Variants in CHRM2 observed in about 807,000 individuals in gnomAD.
CHRM2 encodes the protein cholinergic receptor muscarinic 2.
In CHRM2, 8 loss-of-function variants were observed where a neutral mutation model predicts 25.0. The observed-to-expected ratio is 0.32, with a 90% CI of 0.19 to 0.58. The LOEUF (loss-of-function observed/expected upper bound fraction) is 0.58. Among genes scored for constraint, CHRM2 ranks in the 20% least tolerant of loss-of-function variants. The pLI is 0.88. For synonymous variants in CHRM2, 202 were observed against 205.7 expected (o/e 0.98, Z 0.15); for missense variants, 440 against 567.1 (o/e 0.78, Z 2.28).
chr7:136,978,683 G>A (rs1439071092), intron 2 of CHRM2, among the ~76,000 whole-genome samples: 2 of 152,112 alleles, frequency 1.3e-5, no homozygotes, highest in Non-Finnish European at 2.9e-5. Flanking sequence ...TCCCACTTAT[G>A]AGTGAGAACA....
At chr7:136,960,093 C>T (rs1275297169) in intron 2 of CHRM2, among the ~76,000 whole-genome samples, 1 of 152,010 alleles carries the variant, frequency 6.6e-6, no homozygotes, top group African/African-American at 2.4e-5. Context: ...GAACTGGGCA[C>T]CAAGCAAGCT....
chr7:136,944,151 T>C (rs776473645), intron 2 of CHRM2, among the ~76,000 whole-genome samples: 7 of 152,054 alleles, frequency 4.6e-5, no homozygotes, highest in Non-Finnish European at 7.4e-5. Flanking sequence ...ATGAATAATT[T>C]CTTTAGTGGT....
At chr7:136,927,230 A>C (rs184146655) in intron 2 of CHRM2, among the ~76,000 whole-genome samples, 1 of 152,312 alleles carries the variant, frequency 6.6e-6, no homozygotes, top group African/African-American at 2.4e-5. Flanking sequence ...GTTTATCTGC[A>C]GTTCAGACAG....
chr7:136,969,720 A>G (rs1467919414), intron 2 of CHRM2, among the ~76,000 whole-genome samples: 1 of 152,094 alleles, frequency 6.6e-6, no homozygotes, highest in Non-Finnish European at 1.5e-5. Context: ...ATAGGTTAAC[A>G]TATACCTTCT....
intron 2 of CHRM2, among the ~76,000 whole-genome samples, chr7:136,911,215 T>G (rs1041501302): frequency 6.6e-6 from 1 of 151,880 alleles, no homozygotes; most frequent in African/African-American, 2.4e-5. Context: ...TAACTGAACA[T>G]GTATTAATAA....
intron 3 of CHRM2, among the ~76,000 whole-genome samples, chr7:137,004,248 T>G (rs1804266514): frequency 6.6e-6 from 1 of 152,146 alleles, no homozygotes; most frequent in African/African-American, 2.4e-5. Flanking sequence ...AGCTACTTTT[T>G]GTCAGATGAC....
At position 136,924,229 on chromosome 7, in the gene CHRM2, T is replaced by A. The variant is rs147130141; in HGVS notation, c.-125+54811T>A. Among the ~76,000 whole-genome samples, 437 of 152,248 alleles carry A rather than the reference T, an allele frequency of 2.9e-3. 2 individuals are homozygous for A. Among genetic ancestry groups the A allele is most frequent in the African/African-American group, 0.01 (425 of 41,554 alleles). On this transcript the variant is annotated intron_variant, in intron 2 of 3. Transcript: ENST00000680005. ...GTTGTATGTATTTTTTTTATTATTATACTTTAAGTTTTAGGGTACATGTGC... is the reference window on the plus strand; with the variant it reads ...GTTGTATGTATTTTTTTTATTATTAAACTTTAAGTTTTAGGGTACATGTGC...
At chr7:136,993,089 T>C (rs558403410) in intron 3 of CHRM2, among the ~76,000 whole-genome samples, 2 of 152,328 alleles carry the variant, frequency 1.3e-5, no homozygotes, top group Admixed American at 6.5e-5. Flanking sequence ...AAATTAACTA[T>C]CAAAGTCATA....
intron 2 of CHRM2, among the ~76,000 whole-genome samples, chr7:136,976,157 A>C (rs1802092399): frequency 6.6e-6 from 1 of 152,144 alleles, no homozygotes; most frequent in African/African-American, 2.4e-5. Flanking sequence ...CGGGCTAAGC[A>C]TGGAGTATAT....
At chr7:136,875,446 G>T (rs888006592) in intron 2 of CHRM2, among the ~76,000 whole-genome samples, 3 of 151,996 alleles carry the variant, frequency 2.0e-5, no homozygotes, top group Non-Finnish European at 2.9e-5. Flanking sequence ...TCAGACCCCA[G>T]GTTAAATCTG....
chr7:136,892,270 T>A (rs1306352427), intron 2 of CHRM2, among the ~76,000 whole-genome samples: 1 of 152,258 alleles, frequency 6.6e-6, no homozygotes, highest in African/African-American at 2.4e-5. Flanking sequence ...GCTTGATACA[T>A]GAATTGAGAA....
intron 2 of CHRM2, among the ~76,000 whole-genome samples, chr7:136,873,911 C>A (rs1795944056): frequency 1.3e-5 from 2 of 152,326 alleles, no homozygotes; most frequent in South Asian, 4.1e-4. Flanking sequence ...TAAACGAGGG[C>A]ACCAAAATTT....
rs764518888 is a variant in CHRM2, at chr7:137,015,373, A to C, written c.508A>C (p.Thr170Pro). The C allele has an allele frequency of 6.2e-7, 1 of 1,613,474 alleles. No individual in the cohort carries two copies. The highest frequency in any genetic ancestry group is 2.2e-5 in the East Asian group (1 of 44,796). ...LFWQFIVGVR[T>P]VEDGECYIQF... The stretch of plus-strand genomic sequence containing the variant: ...CTGGCAGTTCATTGTAGGGGTGAGA[A>C]CTGTGGAGGATGGGGAGTGCTACAT... Residue 170 changes from threonine to proline, a missense_variant, in exon 4 of 4, where the codon ACT (threonine) becomes CCT (proline). Coordinates refer to ENST00000680005, the MANE Select transcript of CHRM2 (RefSeq NM_001006630.2). The surrounding 1 kb of genome is among the most constrained non-coding windows in gnomAD (Gnocchi z 5.1).
In CHRM2 at chr7:137,018,213, C is replaced by A. The variant is rs1026583687; in HGVS notation, c.*1947C>A. 6 of 151,230 alleles carry A rather than the reference C, an allele frequency of 4.0e-5. No individual in the cohort carries two copies. Among genetic ancestry groups the A allele is most frequent in the East Asian group, 2.0e-4 (1 of 5,112 alleles). The allele number at this position is 151,230 out of a possible 1,614,324, so 9.4% of individuals were successfully genotyped here. On this transcript the variant is annotated 3_prime_UTR_variant, in exon 4 of 4. Coordinates refer to ENST00000680005, the MANE Select transcript of CHRM2 (RefSeq NM_001006630.2). ...AAAAAAGCATGAGGGAAAAAAAAAA[C>A]CAAAAAACTTATAAGTTAGTAAGAA...
Position 137,017,185 on chromosome 7 carries a change from C to G in CHRM2, c.*919C>G, listed in dbSNP as rs1414400130. 1 of 151,838 alleles carries G rather than the reference C, an allele frequency of 6.6e-6. No individual in the cohort carries two copies. Among genetic ancestry groups the G allele is most frequent in the African/African-American group, 2.4e-5 (1 of 41,358 alleles). 9.4% of individuals were successfully genotyped at this position (151,838 alleles called of 1,614,324 possible). On this transcript the variant is annotated 3_prime_UTR_variant, in exon 4 of 4. Transcript: ENST00000680005. ...CTAAAACATAAACCTGTTTAAGAAA[C>G]CATCGTCACTGTAAAGTTGAGGTTT...
chr7:136,868,765 C>CACACACACAG lies in CHRM2; in HGVS notation c.-500_-491dup, dbSNP rs1554407020. 4.6e-5 allele frequency: 7 copies of CACACACACAG among 152,412 alleles called. No homozygotes were observed. Among genetic ancestry groups the CACACACACAG allele is most frequent in the African/African-American group, 1.7e-4 (7 of 41,330 alleles). 9.4% of individuals were successfully genotyped at this position (152,412 alleles called of 1,614,324 possible). ...GCGCGGGCACACACACACACACACA[C>CACACACACAG]ACACACACAGACACACACACACTCA... On this transcript the variant is annotated 5_prime_UTR_variant, in exon 1 of 4. Transcript: ENST00000680005.
At chr7:136,939,398 G>T (rs1434723014) in intron 2 of CHRM2, among the ~76,000 whole-genome samples, 2 of 152,148 alleles carry the variant, frequency 1.3e-5, no homozygotes, top group African/African-American at 4.8e-5. Flanking sequence ...CCCCTTTTGG[G>T]ATTTGGGAAA....
chr7:137,016,221 A>G lies in CHRM2; in HGVS notation c.1356A>G (p.Lys452=), dbSNP rs12721506. The G allele has an allele frequency of 1.2e-6, 2 of 1,612,842 alleles. No homozygotes were observed. Among genetic ancestry groups the G allele is most frequent in the East Asian group, 2.2e-5 (1 of 44,794 alleles). The change falls in exon 4 of 4, where the codon AAA becomes AAG. Residue 452 remains lysine, a synonymous_variant. Coordinates refer to ENST00000680005, the MANE Select transcript of CHRM2 (RefSeq NM_001006630.2). ...ATGCCACCTTCAAGAAGACCTTTAAACACCTTCTCATGTGTCATTATAAGA... is the reference window on the plus strand; with the variant it reads ...ATGCCACCTTCAAGAAGACCTTTAAGCACCTTCTCATGTGTCATTATAAGA... ...LCNATFKKTF[K]HLLMCHYKNI...
chr7:136,944,159 G>A (rs754992077), intron 2 of CHRM2, among the ~76,000 whole-genome samples: 34 of 152,040 alleles, frequency 2.2e-4, no homozygotes, highest in Non-Finnish European at 4.3e-4. Context: ...TTTCTTTAGT[G>A]GTGATTTCTA....
Sources: gnomAD v4.1 joint callset for allele counts (sites outside exome capture counted in the v4.1 genomes callset) on GRCh38, gnomAD v4.1.1 for gene constraint, Gnocchi (gnomAD v3.1) non-coding constraint, MANE v1.5 for transcripts, NCBI Gene and HGNC (gene_info 2026-07-23, HGNC 2026-07-21) for gene names.